MDN1: variants seen among roughly 807,000 people sequenced by gnomAD.
MDN1 encodes the protein midasin.
Under a neutral mutation model 669.2 loss-of-function variants are expected in MDN1, and 266 were observed. The observed-to-expected ratio is 0.40, with a 90% CI of 0.36 to 0.44. MDN1 has a LOEUF of 0.44. Among genes scored for constraint, MDN1 ranks in the 20% least tolerant of loss-of-function variants. MDN1 has a pLI of 1.00. For missense variants in MDN1, 5,940 were observed against 6,754.0 expected (o/e 0.88, Z 4.22); for synonymous variants, 2,385 against 2,457.1 (o/e 0.97, Z 0.87).
chr6:89,756,331 A>G lies in MDN1; in HGVS notation c.2762T>C (p.Val921Ala). 1 of 1,604,814 alleles carries G rather than the reference A, an allele frequency of 6.2e-7. No individual in the cohort carries two copies. Among genetic ancestry groups the G allele is most frequent in the East Asian group, 2.2e-5 (1 of 44,616 alleles). ...ESKEDLQVLI[V>A]DYLKGLSVNK... ...CACACTCAATCCTTTCAGATAATCT[A>G]CAATAAGAACCTGTAAGTCTTCTTT... Residue 921 changes from valine (V) to alanine (A), a missense_variant, in exon 20 of 102, where the codon GTA becomes GCA. Val to Ala is a moderately conservative substitution (Grantham distance 64). Around this residue, in one of 5 missense-constraint regions of MDN1, gnomAD observed 1,203 missense variants for 1,268.9 expected, o/e 0.95. Coordinates refer to ENST00000369393, the MANE Select transcript of MDN1 (RefSeq NM_014611.3).
chr6:89,728,259 A>G (rs1339031098), intron 36 of MDN1, among the ~76,000 whole-genome samples: 2 of 152,206 alleles, frequency 1.3e-5, no homozygotes, highest in African/African-American at 4.8e-5. Context: ...ACAAAATCCT[A>G]TTCCAAAGGA....
intron 75 of MDN1, 61 bp from the exon 76 acceptor site, chr6:89,677,757 C>G (rs1353610602): frequency 7.5e-6 from 12 of 1,606,096 alleles, no homozygotes; most frequent in African/African-American, 5.4e-5. Context: ...ATGTGCCCCC[C>G]TCTCCCCTGC....
At chr6:89,674,000 A>G in intron 79 of MDN1, 104 bp downstream of exon 79, 1 of 1,457,236 alleles carries the variant, frequency 6.9e-7, no homozygotes, top group Non-Finnish European at 9.2e-7. Context: ...GCTGTCTAAA[A>G]GCTGCTGCTT....
rs1333019242 is a variant in MDN1 at position 89,790,387 on chromosome 6, A to G, written c.870T>C (p.Ser290=). The G allele has an allele frequency of 3.1e-6, 5 of 1,613,722 alleles. No individual in the cohort carries two copies. The South Asian group carries it at 5.5e-5, about 18-fold the overall frequency. ...PAPGELGGNR[S]SSREQELALR... is the part of the protein sequence containing the mutation. ...GGGCCAGCTCCTGTTCACGTGAAGAACTCCTATTACCACCCTAAAGAGGCA... is the reference window on the plus strand; with the variant it reads ...GGGCCAGCTCCTGTTCACGTGAAGAGCTCCTATTACCACCCTAAAGAGGCA... Residue 290 remains serine, a synonymous_variant, in exon 6 of 102, where the codon AGT becomes AGC. Coordinates refer to ENST00000369393, the MANE Select transcript of MDN1 (RefSeq NM_014611.3).
chr6:89,650,660 C>T lies in MDN1; in HGVS notation c.16031+72G>A, dbSNP rs1185101286. 2.2e-5 allele frequency: 26 copies of T among 1,164,126 alleles called. No individual in the cohort carries two copies. The Middle Eastern group carries it at 2.7e-3, about 120-fold the overall frequency. 72.1% of individuals were successfully genotyped at this position (1,164,126 alleles called of 1,614,324 possible). A position where few individuals can be genotyped will look rare whatever the true frequency, so the allele number is the denominator to read the frequency against. On this transcript the variant is annotated intron_variant, in intron 96 of 101. Coordinates refer to ENST00000369393, the MANE Select transcript of MDN1 (RefSeq NM_014611.3). ...GCTGGCACTATAAATGGTTAGGTGCCGCGTTCAACAGAATCAATGAAGCTG... is the reference window on the plus strand; with the variant it reads ...GCTGGCACTATAAATGGTTAGGTGCTGCGTTCAACAGAATCAATGAAGCTG...
intron 5 of MDN1, 90 bp from the exon 6 acceptor site, chr6:89,790,491 AC>A: frequency 2.0e-6 from 3 of 1,501,462 alleles, no homozygotes; most frequent in Non-Finnish European, 2.7e-6. Context: ...TACTAACCTT[AC>A]ACAAACCTCT....
intron 62 of MDN1, 62 bp from the exon 63 acceptor site, chr6:89,693,210 G>C: frequency 8.2e-7 from 1 of 1,218,132 alleles, no homozygotes; most frequent in Non-Finnish European, 1.1e-6. Context: ...ATCTAGATTG[G>C]ATCCTCAGCT....
intron 27 of MDN1, among the ~76,000 whole-genome samples, chr6:89,746,925 A>G (rs577761240): frequency 5.2e-4 from 79 of 152,338 alleles, no homozygotes; most frequent in Non-Finnish European, 9.6e-4. Flanking sequence ...CTCAGGTTAT[A>G]TAATTTTTTT....
chr6:89,688,907 T>C (rs969151227), intron 65 of MDN1, 99 bp from the exon 66 acceptor site: 125 of 971,504 alleles, frequency 1.3e-4, no homozygotes, highest in Non-Finnish European at 3.0e-5. Flanking sequence ...CAGTGGCTCA[T>C]GTCTGTAATC....
At chr6:89,793,321 TCA>T (rs774125663) in intron 5 of MDN1, among the ~76,000 whole-genome samples, 5 of 152,194 alleles carry the variant, frequency 3.3e-5, no homozygotes, top group Non-Finnish European at 7.3e-5. Context: ...CTACAGAACT[TCA>T]CACAGTTTTT....
In MDN1 at chr6:89,793,925, A is replaced by G. The variant is rs757843337; in HGVS notation, c.692T>C (p.Leu231Ser). Residue 231 changes from leucine to serine, a missense_variant, in exon 5 of 102, where the codon TTG becomes TCG. By Grantham distance (145) the Leu-to-Ser change is moderately radical (BLOSUM62 -2). Coordinates refer to ENST00000369393, the MANE Select transcript of MDN1 (RefSeq NM_014611.3). ...ATTGGCCAAAACCAAGGCCTTCTCC[A>G]AGTCCTGCAACTGGGCCTCTTCTAA... ...RLLEEAQLQD[L>S]EKALVLANPE... 2.5e-6 allele frequency: 4 copies of G among 1,613,872 alleles called. No homozygotes were observed. The Admixed American group carries it at 6.7e-5, about 27-fold the overall frequency.
At chr6:89,762,949 G>A (rs1019416953) in intron 15 of MDN1, among the ~76,000 whole-genome samples, 1 of 152,076 alleles carries the variant, frequency 6.6e-6, no homozygotes, top group Admixed American at 6.6e-5. Context: ...CCAGCTACTT[G>A]GGAGGCTGAG....
At chr6:89,795,182 AG>A (rs1819515762) in intron 2 of MDN1, among the ~76,000 whole-genome samples, 1 of 152,222 alleles carries the variant, frequency 6.6e-6, no homozygotes, top group Admixed American at 6.5e-5. Context: ...ACAACGGAAA[AG>A]GCACTCATTT....
chr6:89,692,807 T>A lies in MDN1; in HGVS notation c.10223A>T (p.Gln3408Leu), dbSNP rs1333558121. 1 of 1,614,214 alleles carries A rather than the reference T, an allele frequency of 6.2e-7. No homozygotes were observed. Among genetic ancestry groups the A allele is most frequent in the African/African-American group, 1.3e-5 (1 of 75,062 alleles). The change falls in exon 63 of 102, where the codon CAA (glutamine) becomes CTA (leucine). Residue 3408 changes from glutamine (Q) to leucine (L), a missense_variant. By Grantham distance (113) the Gln-to-Leu change is moderately radical. This residue lies in a region of MDN1 where 150 missense variants were observed against 234.2 expected (regional missense o/e 0.64). Transcript: ENST00000369393. ...AGAGGCCACCAGCCTCATGCCATGT[T>A]GTAACTGCAATATGGATGCCTGCAG... ...SPLQASILQLQHGMRLVASEL... is the reference protein window; with the variant it reads ...SPLQASILQLLHGMRLVASEL...
rs1274870690 is a variant in MDN1, at chr6:89,743,559, C to T, written c.4317+17G>A. The T allele has an allele frequency of 6.2e-7, 1 of 1,608,516 alleles. No individual in the cohort carries two copies. The highest frequency in any genetic ancestry group is 8.5e-7 in the Non-Finnish European group (1 of 1,177,994). ...GCAGTTTTTTAAAATAACAGGAACA[C>T]TTGCTGCTGGACAAACCTTGTCGTT... On this transcript the variant is annotated intron_variant, in intron 30 of 101. Coordinates refer to ENST00000369393, the MANE Select transcript of MDN1 (RefSeq NM_014611.3).
intron 8 of MDN1, among the ~76,000 whole-genome samples, chr6:89,786,702 A>G (rs1047140391): frequency 2.0e-5 from 3 of 151,942 alleles, no homozygotes; most frequent in Admixed American, 1.3e-4. Context: ...GCCAAGGCGG[A>G]GGATCATGAG....
Position 89,743,254 on chromosome 6 carries a change from A to G in MDN1, c.4344T>C (p.Phe1448=). 1 of 1,614,162 alleles carries G rather than the reference A, an allele frequency of 6.2e-7. No individual in the cohort carries two copies. The highest frequency in any genetic ancestry group is 2.2e-5 in the East Asian group (1 of 44,888). Residue 1448 remains phenylalanine, a synonymous_variant, in exon 31 of 102, where the codon TTT becomes TTC. Coordinates refer to ENST00000369393, the MANE Select transcript of MDN1 (RefSeq NM_014611.3). ...DKEEIDTSRL[F]EWHDGPLVQA... is the part of the protein sequence containing the mutation. ...GAACCAGAGGCCCATCATGCCACTC[A>G]AAGAGTCTTGATGTGTCAATTTCTT... is the stretch of plus-strand genomic sequence containing the variant.
intron 65 of MDN1, 65 bp from the exon 66 acceptor site, chr6:89,688,873 A>G: frequency 7.3e-7 from 1 of 1,366,646 alleles, no homozygotes; most frequent in South Asian, 1.3e-5. Context: ...CATGTCAAAA[A>G]GATGTCAGCA....
chr6:89,699,688 T>C lies in MDN1; in HGVS notation c.8910A>G (p.Ile2970Met), dbSNP rs541802800. ...AAAGACAAAATGAGATGAGGTGACT[T>C]ATCTCCTCATTTATCTGGGGTTGTT... is the stretch of plus-strand genomic sequence containing the variant. Reference protein sequence around the residue: ...KNQQPQINEEISHLISFCLYH... With the variant: ...KNQQPQINEEMSHLISFCLYH... Residue 2970 changes from isoleucine to methionine, a missense_variant, in exon 58 of 102, where the codon ATA (isoleucine) becomes ATG (methionine). Transcript: ENST00000369393. The C allele has an allele frequency of 1.9e-6, 3 of 1,613,650 alleles. No individual in the cohort carries two copies. The highest frequency in any genetic ancestry group is 2.7e-5 in the African/African-American group (2 of 75,014).
Sources: gnomAD v4.1 joint callset for allele counts (sites outside exome capture counted in the v4.1 genomes callset) on GRCh38, gnomAD v4.1.1 for gene constraint, gnomAD v4.1.1 regional missense constraint, MANE v1.5 for transcripts, NCBI Gene and HGNC (gene_info 2026-07-23, HGNC 2026-07-21) for gene names.